Variants in MYO16 observed in about 807,000 individuals in gnomAD.
The protein encoded by MYO16 is myosin XVI.
A neutral mutation model predicts 205.3 loss-of-function variants in MYO16; 94 were observed. That is an observed-to-expected ratio of 0.46 (90% CI 0.39 to 0.54). MYO16 has a LOEUF of 0.54. MYO16 is among the 20% of genes least tolerant of loss of function. The probability of loss-of-function intolerance (pLI) is 0.00; values close to 1 mark genes in which losing one functional copy is unlikely to be tolerated. For synonymous variants in MYO16, 988 were observed against 954.0 expected, an observed-to-expected ratio of 1.04 and a Z score of -0.66; for missense variants, 2,315 against 2,387.5, an observed-to-expected ratio of 0.97 and a Z score of 0.63.
chr13:108,771,827 A>G (rs1268651990), intron 4 of MYO16, among the ~76,000 whole-genome samples: 1 of 152,042 alleles, frequency 6.6e-6, no homozygotes, highest in East Asian at 1.9e-4. Flanking sequence ...ATGGCTTCAT[A>G]GCTCATTTTT....
intron 7 of MYO16, among the ~76,000 whole-genome samples, chr13:108,809,687 G>GC (rs1887225589): frequency 6.6e-6 from 1 of 152,270 alleles, no homozygotes; most frequent in South Asian, 2.1e-4. Flanking sequence ...CCCCAACCAG[G>GC]CCACGCTTCC....
intron 1 of MYO16, among the ~76,000 whole-genome samples, chr13:108,611,440 T>C (rs907983590): frequency 2.0e-5 from 3 of 152,152 alleles, no homozygotes; most frequent in African/African-American, 4.8e-5. Flanking sequence ...CAATTTCAAA[T>C]CAGAACAACT....
At chr13:109,000,232 T>C (rs1002880097) in intron 21 of MYO16, among the ~76,000 whole-genome samples, 7 of 152,186 alleles carry the variant, frequency 4.6e-5, no homozygotes, top group African/African-American at 1.2e-4. Context: ...GGAAAATGCT[T>C]TCATGTAGTT....
chr13:108,718,082 C>A (rs978554373), intron 3 of MYO16, among the ~76,000 whole-genome samples: 3 of 152,120 alleles, frequency 2.0e-5, no homozygotes, highest in Non-Finnish European at 4.4e-5. Flanking sequence ...CTATAAGAAG[C>A]AGAGATAATT....
intron 27 of MYO16, among the ~76,000 whole-genome samples, chr13:109,090,130 G>A (rs568274389): frequency 3.9e-5 from 6 of 152,328 alleles, no homozygotes; most frequent in African/African-American, 1.4e-4. Flanking sequence ...AGGGAAATCC[G>A]TGTTGGCCAG....
At chr13:108,864,987 T>C (rs1437290220) in intron 11 of MYO16, among the ~76,000 whole-genome samples, 1 of 152,140 alleles carries the variant, frequency 6.6e-6, no homozygotes, top group African/African-American at 2.4e-5. Context: ...CAGTATAATA[T>C]TCTTTTTTTT....
intron 15 of MYO16, 89 bp downstream of exon 15, chr13:108,898,222 A>G: frequency 3.2e-6 from 3 of 933,662 alleles, no homozygotes; most frequent in Non-Finnish European, 5.2e-6. Context: ...CACACTGTGT[A>G]TGAATCAATG....
At chr13:108,744,018 A>C (rs575726213) in intron 4 of MYO16, among the ~76,000 whole-genome samples, 1 of 152,364 alleles carries the variant, frequency 6.6e-6, no homozygotes, top group South Asian at 2.1e-4. Flanking sequence ...GTAGAGAATA[A>C]GTATACATTT....
At chr13:108,643,180 C>A (rs1161081614) in intron 1 of MYO16, among the ~76,000 whole-genome samples, 1 of 152,210 alleles carries the variant, frequency 6.6e-6, no homozygotes, top group Non-Finnish European at 1.5e-5. Context: ...TCACTAGCCT[C>A]TGTCAATCAC....
At chr13:108,602,812 C>T (rs923064223) in intron 1 of MYO16, among the ~76,000 whole-genome samples, 2 of 152,134 alleles carry the variant, frequency 1.3e-5, no homozygotes, top group Non-Finnish European at 2.9e-5. Context: ...TCTACTCCTG[C>T]AGCTTTCTCT....
At chr13:108,914,234 T>C (rs1179700673) in intron 16 of MYO16, among the ~76,000 whole-genome samples, 1 of 149,480 alleles carries the variant, frequency 6.7e-6, no homozygotes, top group African/African-American at 2.4e-5. Context: ...TGTTAATATA[T>C]GTATTATATT....
Position 109,055,509 on chromosome 13 carries a change from G to C in MYO16, c.3249G>C (p.Gln1083His). 1 of 1,613,152 alleles carries C rather than the reference G, an allele frequency of 6.2e-7. No homozygotes were observed. The highest frequency in any genetic ancestry group is 8.5e-7 in the Non-Finnish European group (1 of 1,179,438). ...TTGATAATTTTTACGTGTCTGCTCA[G>C]CTACAATATATTGGGGTCCTGGAGA... ...DTFDNFYVSAQLQYIGVLEMV... is the reference protein window; with the variant it reads ...DTFDNFYVSAHLQYIGVLEMV... Residue 1083 changes from glutamine (Q) to histidine (H), a missense_variant, in exon 27 of 35, where the codon CAG becomes CAC. This residue lies in a region of MYO16 where 1,097 missense variants were observed against 1,092.0 expected (regional missense o/e 1.00). Transcript: ENST00000457511. The surrounding 1 kb of genome is among the most constrained non-coding windows in gnomAD (Gnocchi z 5.0).
chr13:108,988,759 G>T (rs928211696), intron 20 of MYO16, among the ~76,000 whole-genome samples: 5 of 152,094 alleles, frequency 3.3e-5, no homozygotes, highest in Non-Finnish European at 7.3e-5. Context: ...TGATTATAGG[G>T]TCTCTTCTGC....
rs924824425 is a variant in MYO16 at position 109,207,384 on chromosome 13, C to T, written c.*548C>T. 1.2e-4 allele frequency: 18 copies of T among 152,218 alleles called. No homozygotes were observed. Among genetic ancestry groups the T allele is most frequent in the Admixed American group, 1.1e-3 (17 of 15,292 alleles). The allele number at this position is 152,218 out of a possible 1,614,324, so 9.4% of individuals were successfully genotyped here. On this transcript the variant is annotated 3_prime_UTR_variant, in exon 35 of 35. Coordinates refer to ENST00000457511, the MANE Select transcript of MYO16 (RefSeq NM_001198950.3). ...GGTGGTGCTTCCTTTCTTCAAAATA[C>T]AGATTTTAAAAAATCATTTCTAGAT...
chr13:108,792,942 G>GTAAT, intron 5 of MYO16, among the ~76,000 whole-genome samples: 1 of 152,164 alleles, frequency 6.6e-6, no homozygotes, highest in South Asian at 2.1e-4. Context: ...AATACTTTGA[G>GTAAT]TAATGTATGT....
intron 16 of MYO16, among the ~76,000 whole-genome samples, chr13:108,956,144 A>G (rs562508386): frequency 6.6e-6 from 1 of 152,332 alleles, no homozygotes; most frequent in East Asian, 1.9e-4. Flanking sequence ...AATATCAAAT[A>G]TAAGACTTTA....
At chr13:108,988,910 T>A (rs1884728959) in intron 20 of MYO16, among the ~76,000 whole-genome samples, 1 of 152,254 alleles carries the variant, frequency 6.6e-6, no homozygotes, top group East Asian at 1.9e-4. Flanking sequence ...TTTCTCCTTA[T>A]TCCTGAAGTT....
intron 27 of MYO16, among the ~76,000 whole-genome samples, chr13:109,085,157 A>G (rs959129823): frequency 6.6e-6 from 1 of 152,156 alleles, no homozygotes; most frequent in African/African-American, 2.4e-5. Context: ...GGACTGCCAC[A>G]TGAAGGGTCC....
At chr13:108,568,285 A>G in the MYO16 span, among the ~76,000 whole-genome samples, 1 of 152,136 alleles carries the variant, frequency 6.6e-6, no homozygotes, top group African/African-American at 2.4e-5. Context: ...AAACTTTTCC[A>G]AGTGACAGTG....
Sources: allele counts gnomAD v4.1 joint callset (sites outside exome capture counted in the v4.1 genomes callset), GRCh38; gene constraint gnomAD v4.1.1; regional missense constraint gnomAD v4.1.1; non-coding constraint Gnocchi (gnomAD v3.1); transcripts MANE v1.5; gene names NCBI Gene and HGNC (gene_info 2026-07-23, HGNC 2026-07-21).